VEGFC: variants seen among roughly 807,000 people sequenced by gnomAD.
VEGFC encodes the protein vascular endothelial growth factor C.
In VEGFC, 12 loss-of-function variants were observed where a neutral mutation model predicts 46.1. The ratio of observed to expected loss-of-function variants is 0.26; its 90% CI spans 0.17 to 0.42. The LOEUF (loss-of-function observed/expected upper bound fraction) is 0.42. Ranked by LOEUF, VEGFC falls within the 10% of genes least tolerant of loss-of-function variation. VEGFC has a pLI of 1.00. For missense variants in VEGFC, 488 were observed against 529.4 expected, an observed-to-expected ratio of 0.92 and a Z score of 0.77; for synonymous variants, 232 against 195.5, an observed-to-expected ratio of 1.19 and a Z score of -1.56.
chr4:176,786,692 CTG>C (rs1736006974), intron 1 of VEGFC, among the ~76,000 whole-genome samples: 1 of 152,220 alleles, frequency 6.6e-6, no homozygotes, highest in African/African-American at 2.4e-5. Context: ...GCATCACACA[CTG>C]AACTGTAATT....
chr4:176,782,621 T>C (rs1735936154), intron 1 of VEGFC, among the ~76,000 whole-genome samples: 1 of 152,196 alleles, frequency 6.6e-6, no homozygotes, highest in African/African-American at 2.4e-5. Context: ...AGCTTCATTT[T>C]ATTATATGCT....
chr4:176,711,569 T>C lies in VEGFC; in HGVS notation c.634A>G (p.Met212Val), dbSNP rs374006758. The C allele has an allele frequency of 7.4e-6, 12 of 1,613,708 alleles. No individual in the cohort carries two copies. Among genetic ancestry groups the C allele is most frequent in the African/African-American group, 6.7e-5 (5 of 74,918 alleles). ...SFANHTSCRC[M>V]SKLDVYRQVH... ...TGTCTGTAAACATCCAGTTTAGACA[T>C]GCATCGGCAGGAAGTGTGATTGGCA... The change falls in exon 4 of 7, where the codon ATG (methionine) becomes GTG (valine). Residue 212 changes from methionine (M) to valine (V), a missense_variant. Met to Val is a conservative substitution (Grantham distance 21). Transcript: ENST00000618562.
At chr4:176,771,414 C>CA (rs944557743) in intron 1 of VEGFC, among the ~76,000 whole-genome samples, 21 of 151,332 alleles carry the variant, frequency 1.4e-4, no homozygotes, top group Admixed American at 4.6e-4. Flanking sequence ...GTCTACTTAC[C>CA]AAAAAAAATT....
intron 1 of VEGFC, among the ~76,000 whole-genome samples, chr4:176,789,247 C>T (rs1736050834): frequency 1.3e-5 from 2 of 152,322 alleles, no homozygotes; most frequent in African/African-American, 4.8e-5. Context: ...AAATCCACTA[C>T]CCTCCGTCTT....
chr4:176,741,303 G>T (rs1735171011), intron 1 of VEGFC, among the ~76,000 whole-genome samples: 1 of 151,888 alleles, frequency 6.6e-6, no homozygotes, highest in Non-Finnish European at 1.5e-5. Context: ...AATAATGACG[G>T]GGTTTATGTC....
intron 4 of VEGFC, among the ~76,000 whole-genome samples, chr4:176,705,560 T>G (rs1734519993): frequency 6.6e-6 from 1 of 152,106 alleles, no homozygotes; most frequent in Non-Finnish European, 1.5e-5. Flanking sequence ...TTCCTGGCAG[T>G]TTTTTTGGCT....
chr4:176,759,669 T>G lies in VEGFC; in HGVS notation c.148-29923A>C, dbSNP rs1458515946. The stretch of plus-strand genomic sequence containing the variant: ...AGTTTGATTTAATCATTCCACAATG[T>G]ACTTCAATCAAAACGTCACAGTGTA... On this transcript the variant is annotated intron_variant, in intron 1 of 6. Coordinates refer to ENST00000618562, the MANE Select transcript of VEGFC (RefSeq NM_005429.5). Among the ~76,000 whole-genome samples, 3 of 152,236 alleles carry G rather than the reference T, an allele frequency of 2.0e-5. No homozygotes were observed. In the East Asian group the frequency reaches 5.8e-4, roughly 29 times the overall value.
chr4:176,753,742 C>A (rs964611240), intron 1 of VEGFC, among the ~76,000 whole-genome samples: 3 of 151,998 alleles, frequency 2.0e-5, no homozygotes, highest in Admixed American at 1.3e-4. Flanking sequence ...TTTTTACTCT[C>A]AATTAATAGT....
intron 1 of VEGFC, among the ~76,000 whole-genome samples, chr4:176,740,811 T>C (rs1169735032): frequency 6.6e-6 from 1 of 151,798 alleles, no homozygotes; most frequent in Non-Finnish European, 1.5e-5. Flanking sequence ...CAGGTGATTT[T>C]TGTTTCATTG....
intron 1 of VEGFC, among the ~76,000 whole-genome samples, chr4:176,786,441 T>C (rs6825343): frequency 6.6e-6 from 1 of 152,162 alleles, no homozygotes. Context: ...ATTTCTGTAA[T>C]TAGCATCTAC....
At chr4:176,782,467 T>TC in intron 1 of VEGFC, among the ~76,000 whole-genome samples, 1 of 133,342 alleles carries the variant, frequency 7.5e-6, no homozygotes, top group African/African-American at 2.7e-5. Flanking sequence ...TGTCTCAAAT[T>TC]AAAAAAAAAA....
intron 3 of VEGFC, among the ~76,000 whole-genome samples, chr4:176,725,295 C>T (rs1402529720): frequency 6.6e-6 from 1 of 152,046 alleles, no homozygotes; most frequent in Admixed American, 6.6e-5. Context: ...AGACTGACAT[C>T]AGCTCTGTGG....
At position 176,792,237 on chromosome 4, in the gene VEGFC, C is replaced by T. The variant is rs756234227; in HGVS notation, c.75G>A (p.Ala25=). Reference sequence around the variant, plus strand: ...ACTCGAAGGCGGCGGCGGCGGCGGGCGCCTCGCGAGGACCCGGGAGCAGCG... The same window carrying T: ...ACTCGAAGGCGGCGGCGGCGGCGGGTGCCTCGCGAGGACCCGGGAGCAGCG... The part of the protein sequence containing the change: ...AAALLPGPRE[A]PAAAAAFESG... The change falls in exon 1 of 7, where the codon GCG becomes GCA. Residue 25 remains alanine (A), a synonymous_variant. Coordinates refer to ENST00000618562, the MANE Select transcript of VEGFC (RefSeq NM_005429.5). This position sits in a 1 kb window ranked among gnomAD's most constrained non-coding sequence, Gnocchi z 6.3. 2 of 1,553,652 alleles carry T rather than the reference C, an allele frequency of 1.3e-6. No individual in the cohort carries two copies. Among genetic ancestry groups the T allele is most frequent in the East Asian group, 5.1e-5 (2 of 39,290 alleles).
chr4:176,759,279 T>C (rs1442509582), intron 1 of VEGFC, among the ~76,000 whole-genome samples: 1 of 152,052 alleles, frequency 6.6e-6, no homozygotes, highest in African/African-American at 2.4e-5. Context: ...AGGTACTTTG[T>C]TCAACCATAA....
chr4:176,751,351 T>G (rs985066301), intron 1 of VEGFC, among the ~76,000 whole-genome samples: 12 of 152,000 alleles, frequency 7.9e-5, no homozygotes, highest in Middle Eastern at 6.3e-3. Context: ...AAGGGACTAC[T>G]GTCAGTATTT....
intron 1 of VEGFC, among the ~76,000 whole-genome samples, chr4:176,740,397 T>A (rs866493915): frequency 2.6e-4 from 30 of 114,968 alleles, no homozygotes; most frequent in Middle Eastern, 6.8e-3. Context: ...ACTATATATT[T>A]ATATATAGTT....
intron 2 of VEGFC, 54 bp downstream of exon 2, chr4:176,729,479 C>A: frequency 6.7e-7 from 1 of 1,489,664 alleles, no homozygotes; most frequent in East Asian, 2.4e-5. Flanking sequence ...AGGCTGGCAA[C>A]TTCTACTGGT....
intron 1 of VEGFC, among the ~76,000 whole-genome samples, chr4:176,789,922 T>A (rs1181919469): frequency 6.6e-6 from 1 of 152,234 alleles, no homozygotes; most frequent in Non-Finnish European, 1.5e-5. Context: ...AAACATTGCA[T>A]CTATTGGGAT....
chr4:176,699,329 G>A (rs1371504509), intron 4 of VEGFC, among the ~76,000 whole-genome samples: 1 of 152,120 alleles, frequency 6.6e-6, no homozygotes, highest in East Asian at 1.9e-4. Flanking sequence ...CACTCAGCGG[G>A]TTATCCAACA....
Sources: allele counts gnomAD v4.1 joint callset (sites outside exome capture counted in the v4.1 genomes callset), GRCh38; gene constraint gnomAD v4.1.1; non-coding constraint Gnocchi (gnomAD v3.1); transcripts MANE v1.5; gene names NCBI Gene and HGNC (gene_info 2026-07-23, HGNC 2026-07-21).